The following SORL1 variants were observed in gnomAD, a reference collection of about 807,000 sequenced individuals.
SORL1 encodes sortilin related receptor 1, also known as sortilin-related receptor.
A neutral mutation model predicts 273.7 loss-of-function variants in SORL1; 127 were observed. The ratio of observed to expected loss-of-function variants is 0.46; its 90% CI spans 0.40 to 0.54. The LOEUF is 0.54. SORL1 is among the 20% of genes least tolerant of loss of function. The pLI is 0.00. For missense variants in SORL1, 2,494 were observed against 2,846.1 expected (o/e 0.88, Z 2.81); for synonymous variants, 1,031 against 1,067.4 (o/e 0.97, Z 0.66).
At position 121,452,773 on chromosome 11, in the gene SORL1, C is replaced by CA. The variant is rs111342908; in HGVS notation, c.285+158dup. ...TTTCCTTCACGAGTACAACCGTCAG[C>CA]ACTTGAATCGCATTGATCTTTCCTT... On this transcript the variant is annotated intron_variant, in intron 1 of 47. Transcript: ENST00000260197. This position sits in a 1 kb window ranked among gnomAD's most constrained non-coding sequence, Gnocchi z 5.3. 4.6e-3 allele frequency: 2,667 copies of CA among 574,536 alleles called. 55 individuals carry two copies. Among genetic ancestry groups the CA allele is most frequent in the African/African-American group, 0.045 (2,301 of 50,788 alleles). The allele number at this position is 574,536 out of a possible 1,614,324, so 35.6% of individuals were successfully genotyped here. A position where few individuals can be genotyped will look rare whatever the true frequency, so the allele number is the denominator to read the frequency against.
chr11:121,529,936 C>T lies in SORL1; in HGVS notation c.1597-2528C>T, dbSNP rs147113670. On this transcript the variant is annotated intron_variant, in intron 11 of 47. Coordinates refer to ENST00000260197, the MANE Select transcript of SORL1 (RefSeq NM_003105.6). ...TTATCTAGATACATTAAGTATTCTA[C>T]TTTTATTTAGATTTTTTGGGGGGCT... Among the ~76,000 whole-genome samples the T allele has an allele frequency of 5.1e-3, 781 of 152,086 alleles. 13 individuals carry two copies. The highest frequency in any genetic ancestry group is 0.018 in the African/African-American group (745 of 41,470).
intron 11 of SORL1, among the ~76,000 whole-genome samples, chr11:121,523,891 A>G (rs956906477): frequency 2.0e-5 from 3 of 152,232 alleles, no homozygotes; most frequent in Non-Finnish European, 4.4e-5. Flanking sequence ...GGAATGCACC[A>G]TGCTCACCTT....
intron 24 of SORL1, 32 bp downstream of exon 24, chr11:121,574,395 C>G (rs1333145099): frequency 6.2e-7 from 1 of 1,607,904 alleles, no homozygotes; most frequent in African/African-American, 1.3e-5. Context: ...AAACCCTGCT[C>G]TGGAGAGGGG....
At chr11:121,622,098 A>C in intron 44 of SORL1, 64 bp from the exon 45 acceptor site, 1 of 926,300 alleles carries the variant, frequency 1.1e-6, no homozygotes, top group South Asian at 1.4e-5. Flanking sequence ...TCTTTGATAG[A>C]CAAGAAAATA....
At chr11:121,513,160 C>A in intron 7 of SORL1, 56 bp downstream of exon 7, 1 of 1,325,390 alleles carries the variant, frequency 7.5e-7, no homozygotes, top group Non-Finnish European at 1.1e-6. Flanking sequence ...ATGCAGAGGT[C>A]AGAGGAAGGT....
intron 31 of SORL1, among the ~76,000 whole-genome samples, chr11:121,593,499 T>C (rs531207947): frequency 6.6e-6 from 1 of 152,360 alleles, no homozygotes; most frequent in South Asian, 2.1e-4. Flanking sequence ...GATTGTTCTC[T>C]AGTCCTGCTG....
rs114279079 is a variant in SORL1, at chr11:121,563,642, C to T, written c.3050-3298C>T. ...AACTCCTGAGCTCAGGCAATCTGCA[C>T]GCCCCGGCCTCCCAAAGTGCTAGGA... On this transcript the variant is annotated intron_variant, in intron 21 of 47. Coordinates refer to ENST00000260197, the MANE Select transcript of SORL1 (RefSeq NM_003105.6). This position sits in a 1 kb window ranked among gnomAD's most constrained non-coding sequence, Gnocchi z 4.2. 6.2e-3 allele frequency among the ~76,000 whole-genome samples: 948 copies of T among 152,308 alleles called. 8 individuals carry two copies. Among genetic ancestry groups the T allele is most frequent in the African/African-American group, 0.021 (893 of 41,554 alleles).
At chr11:121,584,682 C>T (rs60410760) in intron 26 of SORL1, among the ~76,000 whole-genome samples, 20,628 of 151,958 alleles carry the variant, frequency 0.14, 2,223 homozygotes, top group African/African-American at 0.3. Flanking sequence ...GCTTTGACCT[C>T]CTGGGCGCAA....
At chr11:121,551,673 CAT>C (rs1862509392) in intron 16 of SORL1, among the ~76,000 whole-genome samples, 1 of 152,216 alleles carries the variant, frequency 6.6e-6, no homozygotes, top group Non-Finnish European at 1.5e-5. Context: ...CCGAATGAAT[CAT>C]GAAAGAAGTG....
chr11:121,531,598 C>T (rs1862203472), intron 11 of SORL1, among the ~76,000 whole-genome samples: 1 of 152,148 alleles, frequency 6.6e-6, no homozygotes, highest in African/African-American at 2.4e-5. Context: ...TTTGTCTCAG[C>T]ATGTAATCAG....
chr11:121,613,549 T>G (rs1379537342), intron 40 of SORL1, among the ~76,000 whole-genome samples: 1 of 152,214 alleles, frequency 6.6e-6, no homozygotes, highest in African/African-American at 2.4e-5. Context: ...TACTTTTTTT[T>G]TTTAACTGAA....
chr11:121,479,027 C>T (rs1163638487), intron 3 of SORL1, among the ~76,000 whole-genome samples: 41 of 151,370 alleles, frequency 2.7e-4, no homozygotes, highest in Admixed American at 2.0e-3. Context: ...TGGGTACCTG[C>T]GTGCGTGTGT....
rs1298835348 is a variant in SORL1, at chr11:121,558,624, G to A, written c.2697G>A (p.Lys899=). The change falls in exon 20 of 48, where the codon AAG becomes AAA. Residue 899 remains lysine (K), a synonymous_variant. Transcript: ENST00000260197. Reference sequence around the variant, plus strand: ...TCTGGACAGACTGGGGAGACCTGAAGCCTGGGATTTATCGGAGCAATATGG... The same window carrying A: ...TCTGGACAGACTGGGGAGACCTGAAACCTGGGATTTATCGGAGCAATATGG... ...VMFWTDWGDL[K]PGIYRSNMDG... 1.2e-6 allele frequency: 2 copies of A among 1,614,130 alleles called. No individual in the cohort carries two copies. Among genetic ancestry groups the A allele is most frequent in the Non-Finnish European group, 1.7e-6 (2 of 1,180,022 alleles).
chr11:121,502,756 A>G (rs1861730991), intron 6 of SORL1, among the ~76,000 whole-genome samples: 2 of 152,066 alleles, frequency 1.3e-5, no homozygotes, highest in Non-Finnish European at 2.9e-5. Flanking sequence ...TTGAGTTATA[A>G]TAGTTCTTTA....
rs545208620 is a variant in SORL1, at chr11:121,612,720, T to G, written c.5323-16T>G. The G allele has an allele frequency of 6.2e-7, 1 of 1,605,988 alleles. No homozygotes were observed. The highest frequency in any genetic ancestry group is 1.1e-5 in the South Asian group (1 of 90,914). On this transcript the variant is annotated splice_polypyrimidine_tract_variant and intron_variant, in intron 39 of 47. Transcript: ENST00000260197. ...TGACTAGCTGTTCATCTAACATGCT[T>G]CTTGGTTCTCGGCAGGTGAATGGCT...
chr11:121,522,225 A>G (rs1194728758), intron 9 of SORL1, among the ~76,000 whole-genome samples: 1 of 152,258 alleles, frequency 6.6e-6, no homozygotes, highest in Non-Finnish European at 1.5e-5. Context: ...TGAATATGAC[A>G]AAATCATTTC....
At chr11:121,579,352 A>G (rs1299578137) in intron 25 of SORL1, among the ~76,000 whole-genome samples, 1 of 152,212 alleles carries the variant, frequency 6.6e-6, no homozygotes, top group Non-Finnish European at 1.5e-5. Context: ...TTTCAGACCT[A>G]CTAAATTAAG....
At chr11:121,588,795 T>G (rs747333368) in intron 28 of SORL1, among the ~76,000 whole-genome samples, 1 of 152,132 alleles carries the variant, frequency 6.6e-6, no homozygotes, top group South Asian at 2.1e-4. Context: ...CCGAGGCCTC[T>G]CTCCCTGGCC....
rs1054109125 is a variant in SORL1 at position 121,631,533 on chromosome 11, G to A, written c.*1970G>A. ...AGTCATTTAATTGAACCACTAGGAAGTGTATTTTCTTTTCTTTTTCTGCCA... is the reference window on the plus strand; with the variant it reads ...AGTCATTTAATTGAACCACTAGGAAATGTATTTTCTTTTCTTTTTCTGCCA... On this transcript the variant is annotated 3_prime_UTR_variant, in exon 48 of 48. Coordinates refer to ENST00000260197, the MANE Select transcript of SORL1 (RefSeq NM_003105.6). 2.0e-5 allele frequency: 3 copies of A among 152,188 alleles called. No individual in the cohort carries two copies. Among genetic ancestry groups the A allele is most frequent in the African/African-American group, 7.2e-5 (3 of 41,440 alleles). 9.4% of individuals were successfully genotyped at this position (152,188 alleles called of 1,614,324 possible). A position where few individuals can be genotyped will look rare whatever the true frequency, so the allele number is the denominator to read the frequency against.
Sources: allele counts gnomAD v4.1 joint callset (sites outside exome capture counted in the v4.1 genomes callset), GRCh38; gene constraint gnomAD v4.1.1; non-coding constraint Gnocchi (gnomAD v3.1); transcripts MANE v1.5; gene names NCBI Gene and HGNC (gene_info 2026-07-23, HGNC 2026-07-21).